The following SGCZ variants were observed in gnomAD, a reference collection of about 807,000 sequenced individuals.
SGCZ encodes the protein zeta-sarcoglycan.
Under a neutral mutation model 41.3 loss-of-function variants are expected in SGCZ, and 40 were observed. The ratio of observed to expected loss-of-function variants is 0.97; its 90% confidence interval spans 0.75 to 1.26. SGCZ has a LOEUF of 1.26. Ranked by LOEUF, SGCZ falls within the 50% of genes most tolerant of loss-of-function variation. SGCZ has a pLI of 0.00. For missense variants in SGCZ, 552 were observed against 369.8 expected (o/e 1.49, Z -4.04); for synonymous variants, 206 against 137.5 (o/e 1.50, Z -3.49).
At chr8:14,274,613 T>A (rs1585308203) in intron 3 of SGCZ, among the ~76,000 whole-genome samples, 1 of 152,110 alleles carries the variant, frequency 6.6e-6, no homozygotes, top group Non-Finnish European at 1.5e-5. Flanking sequence ...CTTCAAAACT[T>A]AGTCCAGATA....
At chr8:14,204,624 T>C (rs1164681992) in intron 4 of SGCZ, among the ~76,000 whole-genome samples, 3 of 152,150 alleles carry the variant, frequency 2.0e-5, no homozygotes, top group Non-Finnish European at 4.4e-5. Flanking sequence ...AGTCTTTGAA[T>C]TGACTAGAGA....
chr8:14,502,057 T>C (rs1465787263), intron 2 of SGCZ, among the ~76,000 whole-genome samples: 2 of 152,092 alleles, frequency 1.3e-5, no homozygotes, highest in Non-Finnish European at 2.9e-5. Flanking sequence ...TTCTAATAAG[T>C]GGTAACAAAT....
chr8:14,904,826 T>A (rs561325446), intron 1 of SGCZ, among the ~76,000 whole-genome samples: 16 of 152,086 alleles, frequency 1.1e-4, no homozygotes, highest in Admixed American at 6.5e-4. Context: ...TCGTCACAGA[T>A]TTTCTCTATA....
intron 5 of SGCZ, among the ~76,000 whole-genome samples, chr8:14,109,708 G>C (rs993722593): frequency 1.3e-5 from 2 of 152,098 alleles, no homozygotes. Context: ...GCTATATATG[G>C]AAATGTATTA....
chr8:14,872,194 G>A (rs570416577), intron 1 of SGCZ, among the ~76,000 whole-genome samples: 81 of 152,114 alleles, frequency 5.3e-4, no homozygotes, highest in African/African-American at 1.8e-3. Flanking sequence ...GGGAGGGATA[G>A]CATTAGGAGA....
intron 1 of SGCZ, among the ~76,000 whole-genome samples, chr8:14,792,585 A>C (rs917895827): frequency 6.6e-6 from 1 of 151,916 alleles, no homozygotes; most frequent in Non-Finnish European, 1.5e-5. Flanking sequence ...TTATTATTAT[A>C]CTTTAAGTTT....
chr8:14,941,170 G>C (rs1033536638), intron 1 of SGCZ, among the ~76,000 whole-genome samples: 2 of 151,998 alleles, frequency 1.3e-5, no homozygotes, highest in African/African-American at 4.8e-5. Flanking sequence ...AAGTACCACA[G>C]GTATTGCAGA....
At chr8:14,136,255 C>T (rs1803193851) in intron 5 of SGCZ, among the ~76,000 whole-genome samples, 1 of 152,154 alleles carries the variant, frequency 6.6e-6, no homozygotes, top group African/African-American at 2.4e-5. Context: ...CAGGTGATTT[C>T]TGCATTTCCA....
At chr8:14,185,184 G>A (rs1356582221) in intron 4 of SGCZ, among the ~76,000 whole-genome samples, 1 of 152,026 alleles carries the variant, frequency 6.6e-6, no homozygotes, top group Non-Finnish European at 1.5e-5. Flanking sequence ...GGTGGATCAC[G>A]AGGTCAGGAG....
intron 2 of SGCZ, among the ~76,000 whole-genome samples, chr8:14,412,544 A>T (rs1446261459): frequency 6.6e-6 from 1 of 152,090 alleles, no homozygotes; most frequent in Non-Finnish European, 1.5e-5. Context: ...TAAATAATTC[A>T]TCTAGTCATC....
At chr8:14,958,779 G>C (rs78038833) in intron 1 of SGCZ, among the ~76,000 whole-genome samples, 2 of 151,762 alleles carry the variant, frequency 1.3e-5, no homozygotes, top group Admixed American at 6.6e-5. Context: ...TAAATATTTA[G>C]GCGGAAACAC....
chr8:14,922,235 GA>G (rs1427268808), intron 1 of SGCZ, among the ~76,000 whole-genome samples: 1 of 151,922 alleles, frequency 6.6e-6, no homozygotes, highest in East Asian at 2.0e-4. Flanking sequence ...CCTTCCTTGT[GA>G]AATAGGTGTA....
intron 1 of SGCZ, among the ~76,000 whole-genome samples, chr8:15,187,332 G>A (rs1255868516): frequency 2.0e-5 from 3 of 152,014 alleles, no homozygotes; most frequent in African/African-American, 4.8e-5. Context: ...TTAAGAATTG[G>A]TGCTTTTCCA....
chr8:14,394,325 G>A (rs10100553), intron 2 of SGCZ, among the ~76,000 whole-genome samples: 54,277 of 151,290 alleles, frequency 0.36, 10,656 homozygotes, highest in African/African-American at 0.53. Flanking sequence ...TAATTTTTGT[G>A]TTTCTAACAG....
Position 14,671,660 on chromosome 8 carries a change from T to C in SGCZ, c.40-116734A>G, listed in dbSNP as rs536394115. ...AACCCAGAAACTAAGCCTGAGACAT[T>C]TATATTCTTAACATTCAAACCATGC... is the stretch of plus-strand genomic sequence containing the variant. On this transcript the variant is annotated intron_variant, in intron 1 of 7. Coordinates refer to ENST00000382080, the MANE Select transcript of SGCZ (RefSeq NM_139167.4). Among the ~76,000 whole-genome samples the C allele has an allele frequency of 2.0e-5, 3 of 152,224 alleles. No homozygotes were observed. The East Asian group carries it at 5.8e-4, about 29-fold the overall frequency.
intron 1 of SGCZ, among the ~76,000 whole-genome samples, chr8:14,861,343 T>C (rs1362499863): frequency 6.6e-6 from 1 of 152,098 alleles, no homozygotes; most frequent in Admixed American, 6.6e-5. Context: ...CAGAGAGTGT[T>C]GGTGGAATGC....
In SGCZ at chr8:14,587,812, A is replaced by G. The variant is rs188696239; in HGVS notation, c.40-32886T>C. ...GTCTTCTTTTTAACAGGCTCAAAAT[A>G]ACAAATATGAAAATATTTCAGCAAA... On this transcript the variant is annotated intron_variant, in intron 1 of 7. Coordinates refer to ENST00000382080, the MANE Select transcript of SGCZ (RefSeq NM_139167.4). Among the ~76,000 whole-genome samples the G allele has an allele frequency of 1.6e-4, 25 of 152,320 alleles. No individual in the cohort carries two copies. The East Asian group carries it at 2.5e-3, about 15-fold the overall frequency.
At chr8:14,373,226 C>G (rs1213785050) in intron 2 of SGCZ, among the ~76,000 whole-genome samples, 2 of 152,108 alleles carry the variant, frequency 1.3e-5, no homozygotes, top group Non-Finnish European at 1.5e-5. Flanking sequence ...TGAGCCTTAG[C>G]AACTGGCAAA....
intron 1 of SGCZ, among the ~76,000 whole-genome samples, chr8:15,147,674 T>C (rs1585612613): frequency 6.6e-6 from 1 of 152,140 alleles, no homozygotes; most frequent in East Asian, 1.9e-4. Context: ...AAACTTGCAG[T>C]AGGGGCTGGC....
Sources: gnomAD v4.1 joint callset for allele counts (sites outside exome capture counted in the v4.1 genomes callset) on GRCh38, gnomAD v4.1.1 for gene constraint, MANE v1.5 for transcripts, NCBI Gene and HGNC (gene_info 2026-07-23, HGNC 2026-07-21) for gene names.